The following ARK2C variants were observed in gnomAD, a reference collection of about 807,000 sequenced individuals.
ARK2C encodes E3 ubiquitin-protein ligase ARK2C.
the ARK2C span, among the ~76,000 whole-genome samples, chr18:46,402,107 G>A: frequency 2.6e-5 from 4 of 152,106 alleles, no homozygotes; most frequent in African/African-American, 9.7e-5. Flanking sequence ...AATTTATTGA[G>A]GTATAGCTGA....
chr18:46,387,389 T>C, the ARK2C span, among the ~76,000 whole-genome samples: 1 of 152,190 alleles, frequency 6.6e-6, no homozygotes, highest in Non-Finnish European at 1.5e-5. Flanking sequence ...GCTTTTCCTT[T>C]GGACAGTGCA....
the ARK2C span, among the ~76,000 whole-genome samples, chr18:46,365,732 T>A: frequency 6.6e-6 from 1 of 152,156 alleles, no homozygotes; most frequent in African/African-American, 2.4e-5. Context: ...CTTGAACTCC[T>A]GACTTCATGA....
chr18:46,446,696 G>GAAAAAAAAAAAAAAAAAA, the ARK2C span, among the ~76,000 whole-genome samples: 1 of 140,838 alleles, frequency 7.1e-6, no homozygotes, highest in Non-Finnish European at 1.5e-5. Flanking sequence ...AAAAAAAAAG[G>GAAAAAAAAAAAAAAAAAA]AAAAGAAAAA....
chr18:46,426,103 G>A, the ARK2C span, among the ~76,000 whole-genome samples: 19 of 152,120 alleles, frequency 1.2e-4, no homozygotes, highest in Admixed American at 2.0e-4. Context: ...TGGCGGTTAG[G>A]ATTTGAACAT....
the ARK2C span, chr18:46,433,383 G>A: frequency 6.2e-7 from 1 of 1,613,268 alleles, no homozygotes; most frequent in African/African-American, 1.3e-5. Context: ...TGACCCCGCT[G>A]CCCACCCTGC....
At chr18:46,378,311 G>A in the ARK2C span, among the ~76,000 whole-genome samples, 451 of 152,276 alleles carry the variant, frequency 3.0e-3, 1 homozygote, top group African/African-American at 9.8e-3. Flanking sequence ...ACTACAGATG[G>A]GAAAACCGAG....
chr18:46,386,639 C>T, the ARK2C span: 45,429 of 151,998 alleles, frequency 0.3, 8,561 homozygotes, highest in Middle Eastern at 0.43. Context: ...CATTTCATTC[C>T]AACCATGTAG....
the ARK2C span, chr18:46,336,088 TG>T: frequency 2.6e-5 from 26 of 985,346 alleles, no homozygotes; most frequent in Non-Finnish European, 3.0e-5. Flanking sequence ...AGAGGGGGGC[TG>T]GATGCGATCT....
At chr18:46,351,932 C>T in the ARK2C span, among the ~76,000 whole-genome samples, 1 of 152,194 alleles carries the variant, frequency 6.6e-6, no homozygotes, top group Non-Finnish European at 1.5e-5. Flanking sequence ...GGTCCTCCTG[C>T]ACCGTGCATC....
At chr18:46,443,348 T>C in the ARK2C span, among the ~76,000 whole-genome samples, 2 of 152,234 alleles carry the variant, frequency 1.3e-5, no homozygotes, top group Non-Finnish European at 1.5e-5. Context: ...TCACTAGGTT[T>C]ACAATATTCC....
the ARK2C span, among the ~76,000 whole-genome samples, chr18:46,369,482 G>T: frequency 6.6e-6 from 1 of 152,124 alleles, no homozygotes; most frequent in Non-Finnish European, 1.5e-5. Flanking sequence ...TTGAAGTCCT[G>T]GTTGTGAAGT....
chr18:46,341,627 C>T, the ARK2C span, among the ~76,000 whole-genome samples: 2 of 152,054 alleles, frequency 1.3e-5, no homozygotes, highest in Non-Finnish European at 2.9e-5. Flanking sequence ...ATACAGATTC[C>T]TGGTTGGGGT....
the ARK2C span, among the ~76,000 whole-genome samples, chr18:46,375,091 C>G: frequency 6.6e-6 from 1 of 152,322 alleles, no homozygotes; most frequent in South Asian, 2.1e-4. Flanking sequence ...AAACCTCACC[C>G]AGGCAGGCTT....
chr18:46,334,171 C>A, the ARK2C span: 1 of 655,626 alleles, frequency 1.5e-6, no homozygotes, highest in South Asian at 6.4e-5. The surrounding 1 kb of genome is among the most constrained non-coding windows in gnomAD (Gnocchi z 4.4). Context: ...CCTCCCGCCC[C>A]GGCGGCTCCC....
the ARK2C span, among the ~76,000 whole-genome samples, chr18:46,394,701 C>T: frequency 6.6e-6 from 1 of 152,196 alleles, no homozygotes; most frequent in East Asian, 1.9e-4. Context: ...ATAGACTCCT[C>T]CAAACAAGCA....
the ARK2C span, among the ~76,000 whole-genome samples, chr18:46,383,782 A>AC: frequency 2.6e-4 from 40 of 151,488 alleles, no homozygotes; most frequent in African/African-American, 9.7e-4. Context: ...TCTTGATCTG[A>AC]CCTCGTGATC....
chr18:46,402,038 C>T, the ARK2C span, among the ~76,000 whole-genome samples: 1 of 152,218 alleles, frequency 6.6e-6, no homozygotes, highest in Non-Finnish European at 1.5e-5. Context: ...AGCCATCTCT[C>T]ACGGTTTATG....
the ARK2C span, among the ~76,000 whole-genome samples, chr18:46,406,006 G>A: frequency 1.5e-4 from 23 of 151,760 alleles, no homozygotes; most frequent in Admixed American, 7.2e-4. Flanking sequence ...TCAGACACTC[G>A]CATACATACC....
chr18:46,413,165 C>A, the ARK2C span, among the ~76,000 whole-genome samples: 1 of 152,258 alleles, frequency 6.6e-6, no homozygotes, highest in African/African-American at 2.4e-5. Context: ...GCTGGGAACC[C>A]TGCCAGGTCC....
Sources: gnomAD v4.1 joint callset for allele counts (sites outside exome capture counted in the v4.1 genomes callset) on GRCh38, gnomAD v4.1.1 for gene constraint, Gnocchi (gnomAD v3.1) non-coding constraint, MANE v1.5 for transcripts, NCBI Gene and HGNC (gene_info 2026-07-23, HGNC 2026-07-21) for gene names.